The following RUFY2 variants were observed in gnomAD, a reference collection of about 807,000 sequenced individuals.
The protein encoded by RUFY2 is RUN and FYVE domain-containing protein 2.
A neutral mutation model predicts 94.4 loss-of-function variants in RUFY2; 49 were observed. The ratio of observed to expected loss-of-function variants is 0.52; its 90% CI spans 0.41 to 0.66. RUFY2 has a LOEUF of 0.66. Among genes scored for constraint, RUFY2 ranks in the 30% least tolerant of loss-of-function variants. The probability of loss-of-function intolerance (pLI) is 0.00; values close to 1 mark genes in which losing one functional copy is unlikely to be tolerated. For synonymous variants in RUFY2, 255 were observed against 235.7 expected (o/e 1.08, Z -0.75); for missense variants, 541 against 692.8 (o/e 0.78, Z 2.46).
downstream of RUFY2, chr10:68,341,510 T>C (rs879856022): frequency 8.8e-7 from 1 of 1,141,226 alleles, no homozygotes; most frequent in Non-Finnish European, 1.3e-6. Flanking sequence ...AATTGATCTT[T>C]TTTACAAAGC....
chr10:68,381,849 A>G (rs186287791), intron 10 of RUFY2, among the ~76,000 whole-genome samples: 111 of 152,346 alleles, frequency 7.3e-4, no homozygotes, highest in Non-Finnish European at 1.1e-3. Context: ...CTCTGTCTCA[A>G]AAAGTAAGTA....
Position 68,345,841 on chromosome 10 carries a change from G to A in RUFY2, c.1748C>T (p.Ser583Leu), listed in dbSNP as rs950224073. The change falls in exon 18 of 18, where the codon TCA (serine) becomes TTA (leucine). Residue 583 changes from serine (S) to leucine (L), a missense_variant. Around this residue, in one of 3 missense-constraint regions of RUFY2, gnomAD observed 403 missense variants for 480.7 expected, o/e 0.84. Coordinates refer to ENST00000602465, the MANE Select transcript of RUFY2 (RefSeq NM_001330103.2). ...ATCACAAACCCGTACTGGTTTTGGT[G>A]AAGAAGGCAAAGGTAGTTCGTTGTC... ...CSDNELPLPSSPKPVRVCDSC... is the reference protein window; with the variant it reads ...CSDNELPLPSLPKPVRVCDSC... 1.9e-6 allele frequency: 3 copies of A among 1,613,938 alleles called. No individual in the cohort carries two copies. The Admixed American group carries it at 5.0e-5, about 27-fold the overall frequency.
chr10:68,406,645 C>A, intron 1 of RUFY2: 1 of 1,089,226 alleles, frequency 9.2e-7, no homozygotes, highest in Non-Finnish European at 1.3e-6. Context: ...CCAGTGCCCG[C>A]ACCTTGCCGG....
intron 12 of RUFY2, among the ~76,000 whole-genome samples, chr10:68,378,936 T>C (rs1450185462): frequency 6.6e-6 from 1 of 152,112 alleles, no homozygotes; most frequent in African/African-American, 2.4e-5. Context: ...AAAATGCCAA[T>C]ATAAAACAAT....
At chr10:68,377,758 A>G (rs1337260676) in intron 12 of RUFY2, 5 of 983,690 alleles carry the variant, frequency 5.1e-6, no homozygotes, top group Non-Finnish European at 6.0e-6. Context: ...CAATATTTTT[A>G]TAAGAAAATA....
chr10:68,358,826 G>A (rs1280261311), intron 15 of RUFY2, among the ~76,000 whole-genome samples: 9 of 150,950 alleles, frequency 6.0e-5, no homozygotes, highest in Admixed American at 2.6e-4. Context: ...CAGGAGAATC[G>A]CTTGAACCCA....
chr10:68,404,531 T>G (rs1040990123), intron 2 of RUFY2, 140 bp downstream of exon 2: 12 of 459,868 alleles, frequency 2.6e-5, no homozygotes, highest in Admixed American at 4.3e-5. Context: ...AGTCATAAGA[T>G]ATTTTCTCCC....
intron 5 of RUFY2, 78 bp from the exon 6 acceptor site, chr10:68,394,214 T>A (rs1024092786): frequency 5.8e-6 from 9 of 1,548,852 alleles, no homozygotes; most frequent in Non-Finnish European, 7.9e-6. Flanking sequence ...ATGTTACTCT[T>A]AATATTCCTT....
At chr10:68,389,897 T>C (rs2049852802) in intron 7 of RUFY2, among the ~76,000 whole-genome samples, 1 of 152,184 alleles carries the variant, frequency 6.6e-6, no homozygotes, top group African/African-American at 2.4e-5. Flanking sequence ...GATATACATA[T>C]TATTGCTATG....
At position 68,345,381 on chromosome 10, in the gene RUFY2, CAGTTTCAGAACTGTGAAGCTTT is replaced by C; in HGVS notation, c.*365_*386del. The C allele has an allele frequency of 5.1e-6, 2 of 390,308 alleles. No homozygotes were observed. The highest frequency in any genetic ancestry group is 9.0e-6 in the Non-Finnish European group (2 of 221,482). 24.2% of individuals were successfully genotyped at this position (390,308 alleles called of 1,614,324 possible). On this transcript the variant is annotated 3_prime_UTR_variant, in exon 18 of 18. Coordinates refer to ENST00000602465, the MANE Select transcript of RUFY2 (RefSeq NM_001330103.2). ...TAATTTTAAAAGTTTTATGCGTTTC[CAGTTTCAGAACTGTGAAGCTTT>C]AAAGTGCATTAAGAGAACTGCAGGC... is the stretch of plus-strand genomic sequence containing the variant.
intron 2 of RUFY2, among the ~76,000 whole-genome samples, chr10:68,403,182 C>T (rs1407330536): frequency 6.7e-6 from 1 of 149,480 alleles, no homozygotes; most frequent in Non-Finnish European, 1.5e-5. Context: ...CAGAATAATG[C>T]TAATAGCATG....
At chr10:68,367,159 AAT>A (rs2047909045) in intron 13 of RUFY2, among the ~76,000 whole-genome samples, 1 of 152,010 alleles carries the variant, frequency 6.6e-6, no homozygotes, top group South Asian at 2.1e-4. Flanking sequence ...CAAAAAAAAA[AAT>A]AGTGGTATCA....
chr10:68,379,840 C>T (rs1228280155), intron 11 of RUFY2, among the ~76,000 whole-genome samples: 1 of 150,292 alleles, frequency 6.7e-6, no homozygotes, highest in Non-Finnish European at 1.5e-5. Flanking sequence ...GACAGTCTCA[C>T]TCTGTCGCCC....
Position 68,385,999 on chromosome 10 carries a change from A to G in RUFY2, c.720+60T>C, listed in dbSNP as rs1347087590. On this transcript the variant is annotated intron_variant, in intron 8 of 17. Transcript: ENST00000602465. ...GTGTATGTTTAATGCATTCATACTT[A>G]AAATGGAAAAGGATCACAAACACTA... The G allele has an allele frequency of 2.4e-5, 28 of 1,148,264 alleles. No homozygotes were observed. In the East Asian group the frequency reaches 2.6e-4, roughly 11 times the overall value. 71.1% of individuals were successfully genotyped at this position (1,148,264 alleles called of 1,614,324 possible).
intron 3 of RUFY2, among the ~76,000 whole-genome samples, chr10:68,400,809 G>A (rs758531393): frequency 4.2e-4 from 63 of 151,760 alleles, no homozygotes; most frequent in Admixed American, 9.2e-4. Flanking sequence ...TCAGGAGATC[G>A]AGACCATTCT....
chr10:68,388,494 T>C (rs1334406745), intron 7 of RUFY2, among the ~76,000 whole-genome samples: 2 of 152,016 alleles, frequency 1.3e-5, no homozygotes, highest in Admixed American at 6.6e-5. Flanking sequence ...TCTATATGTT[T>C]TCTATATTTT....
At chr10:68,385,097 A>G (rs2049382793) in intron 8 of RUFY2, among the ~76,000 whole-genome samples, 1 of 152,134 alleles carries the variant, frequency 6.6e-6, no homozygotes, top group South Asian at 2.1e-4. Context: ...CCCCGTCTCT[A>G]CTAAAAATAC....
intron 7 of RUFY2, among the ~76,000 whole-genome samples, chr10:68,388,063 C>T (rs1423343231): frequency 1.3e-5 from 2 of 152,066 alleles, no homozygotes; most frequent in Admixed American, 6.6e-5. Flanking sequence ...AGTTTCTTTT[C>T]AACAAATTGG....
At chr10:68,389,764 A>T (rs2049840852) in intron 7 of RUFY2, among the ~76,000 whole-genome samples, 1 of 152,024 alleles carries the variant, frequency 6.6e-6, no homozygotes, top group Non-Finnish European at 1.5e-5. Context: ...ACTGCACCCA[A>T]GCCAGGGACA....
Sources: allele counts gnomAD v4.1 joint callset (sites outside exome capture counted in the v4.1 genomes callset), GRCh38; gene constraint gnomAD v4.1.1; regional missense constraint gnomAD v4.1.1; transcripts MANE v1.5; gene names NCBI Gene and HGNC (gene_info 2026-07-23, HGNC 2026-07-21).